Variants in MAX observed in about 807,000 individuals in gnomAD.
MAX encodes MYC associated transcriptional regulator X.
MAX carries 3 observed loss-of-function variants against 22.3 expected under a neutral mutation model. That is an observed-to-expected ratio of 0.13 (90% CI 0.06 to 0.35). The LOEUF is 0.35. MAX is among the 10% of genes least tolerant of loss of function. The pLI, the probability that MAX is intolerant of heterozygous loss-of-function variation, is 1.00. For synonymous variants in MAX, 72 were observed against 77.7 expected (o/e 0.93, Z 0.39); for missense variants, 119 against 209.4 (o/e 0.57, Z 2.66).
chr14:65,039,530 T>C (rs1419348126), intron 3 of MAX, among the ~76,000 whole-genome samples: 1 of 152,222 alleles, frequency 6.6e-6, no homozygotes, highest in East Asian at 1.9e-4. Flanking sequence ...GGAGGTTCCC[T>C]GTATCTCTAA....
intron 3 of MAX, among the ~76,000 whole-genome samples, chr14:65,064,642 C>T (rs1051930739): frequency 1.3e-5 from 2 of 152,220 alleles, no homozygotes; most frequent in Non-Finnish European, 2.9e-5. Context: ...AGAAGCAGTC[C>T]AATGGCTTGG....
At chr14:65,040,982 G>A in intron 3 of MAX, 1 of 1,588,862 alleles carries the variant, frequency 6.3e-7, no homozygotes. Flanking sequence ...ATTGTACTCA[G>A]ACATGCAGGC....
chr14:65,015,371 G>A (rs1288951360), intron 3 of MAX, among the ~76,000 whole-genome samples: 1 of 150,046 alleles, frequency 6.7e-6, no homozygotes, highest in Non-Finnish European at 1.5e-5. Flanking sequence ...CCAAAGTGCT[G>A]GGATTACAGG....
Position 65,088,121 on chromosome 14 carries a change from C to T in MAX, c.171+5587G>A, listed in dbSNP as rs1229682175. ...CACGTGGAACTGTAAGTCCACTAAA[C>T]CTCCTTCTTTTGTAAATTGCCCAGT... On this transcript the variant is annotated intron_variant, in intron 3 of 4. Transcript: ENST00000358664. The surrounding 1 kb of genome is among the most constrained non-coding windows in gnomAD (Gnocchi z 5.2). Among the ~76,000 whole-genome samples the T allele has an allele frequency of 6.6e-6, 1 of 152,098 alleles. No homozygotes were observed. Among genetic ancestry groups the T allele is most frequent in the Non-Finnish European group, 1.5e-5 (1 of 68,024 alleles).
At chr14:65,055,429 C>T (rs1238235398) in intron 3 of MAX, among the ~76,000 whole-genome samples, 1 of 152,198 alleles carries the variant, frequency 6.6e-6, no homozygotes, top group African/African-American at 2.4e-5. Context: ...GTAAACATGG[C>T]CTGCTGCTAC....
intron 3 of MAX, among the ~76,000 whole-genome samples, chr14:65,021,332 A>G (rs2061882311): frequency 6.6e-6 from 1 of 152,238 alleles, no homozygotes; most frequent in Non-Finnish European, 1.5e-5. Flanking sequence ...AGATTTTTCC[A>G]AAGATAAATT....
chr14:65,048,202 C>G (rs892861417), intron 3 of MAX, among the ~76,000 whole-genome samples: 40 of 151,636 alleles, frequency 2.6e-4, no homozygotes, highest in Non-Finnish European at 5.9e-5. Flanking sequence ...TGGCTGGTCT[C>G]AAACTCCTGG....
chr14:65,102,274 G>A (rs1195497830), intron 1 of MAX, 30 bp downstream of exon 1: 1 of 1,613,214 alleles, frequency 6.2e-7, no homozygotes, highest in Admixed American at 1.7e-5. Context: ...CTGACAACCC[G>A]CACGGGAAGG....
At chr14:65,070,604 C>A (rs2062977554), downstream of MAX, among the ~76,000 whole-genome samples, 2 of 152,210 alleles carry the variant, frequency 1.3e-5, no homozygotes, top group African/African-American at 4.8e-5. The surrounding 1 kb of genome is among the most constrained non-coding windows in gnomAD (Gnocchi z 4.4). Flanking sequence ...CTAGACACGC[C>A]CATCCTGCTG....
chr14:65,095,535 T>G (rs2063638723), intron 2 of MAX, among the ~76,000 whole-genome samples: 1 of 152,206 alleles, frequency 6.6e-6, no homozygotes, highest in African/African-American at 2.4e-5. Context: ...ATCTAGTCCT[T>G]TTGAACTTAC....
rs1555335876 is a variant in MAX at position 65,037,403 on chromosome 14, C to CTTTTTTTTTT, written c.172-31129_172-31120dup. On this transcript the variant is annotated intron_variant, in intron 3 of 3. Coordinates refer to the MAX transcript ENST00000341653. The stretch of plus-strand genomic sequence containing the variant: ...TAGGCGTGAGCCACCACGCCGGGCC[C>CTTTTTTTTTT]TTTTTTTTTTTTTTTTTTTTTTTTT... Among the ~76,000 whole-genome samples, 149 of 29,686 alleles carry CTTTTTTTTTT rather than the reference C, an allele frequency of 5.0e-3. 23 individuals are homozygous for CTTTTTTTTTT. The highest frequency in any genetic ancestry group is 8.0e-3 in the Non-Finnish European group (110 of 13,696). 19.5% of individuals were successfully genotyped at this position (29,686 alleles called of 152,430 possible).
intron 3 of MAX, among the ~76,000 whole-genome samples, chr14:65,058,307 T>C (rs922004969): frequency 2.0e-4 from 30 of 152,104 alleles, no homozygotes; most frequent in African/African-American, 7.0e-4. Context: ...TTCATGTCTC[T>C]TGTGACTGGA....
rs979714571 is a variant in MAX, at chr14:65,012,688, T to C, written c.172-6404A>G. Among the ~76,000 whole-genome samples the C allele has an allele frequency of 6.6e-6, 1 of 152,240 alleles. No homozygotes were observed. The highest frequency in any genetic ancestry group is 2.4e-5 in the African/African-American group (1 of 41,462). ...TAGACCTCCTTGACAGCTGGCTAAA[T>C]GCCAGTTACCTGTTCACCCTTAACC... On this transcript the variant is annotated intron_variant, in intron 3 of 3. Transcript: ENST00000341653. The surrounding 1 kb of genome is among the most constrained non-coding windows in gnomAD (Gnocchi z 5.0).
chr14:65,064,919 G>A (rs969921507), intron 3 of MAX, among the ~76,000 whole-genome samples: 3 of 152,258 alleles, frequency 2.0e-5, no homozygotes, highest in Non-Finnish European at 4.4e-5. Flanking sequence ...CAAAAGGTTT[G>A]CCAGGGCTTG....
intron 3 of MAX, among the ~76,000 whole-genome samples, chr14:65,018,978 C>T (rs921068263): frequency 6.6e-6 from 1 of 151,726 alleles, no homozygotes; most frequent in Non-Finnish European, 1.5e-5. Flanking sequence ...AGCGTGGTGG[C>T]GCATGCCTGT....
In MAX at chr14:65,018,537, C is replaced by T. The variant is rs566478462; in HGVS notation, c.172-12253G>A. On this transcript the variant is annotated intron_variant, in intron 3 of 3. Transcript: ENST00000341653. ...TTTTATAAACTTTCTGGGCTGGGCACGGTGTCTCACACCTGTAATCCCAGG... is the reference window on the plus strand; with the variant it reads ...TTTTATAAACTTTCTGGGCTGGGCATGGTGTCTCACACCTGTAATCCCAGG... Among the ~76,000 whole-genome samples, 11 of 152,238 alleles carry T rather than the reference C, an allele frequency of 7.2e-5. No homozygotes were observed. The South Asian group carries it at 2.3e-3, about 32-fold the overall frequency.
chr14:65,077,896 C>A lies in MAX; in HGVS notation c.295+17G>T, dbSNP rs201127403. On this transcript the variant is annotated intron_variant, in intron 4 of 4. Coordinates refer to ENST00000358664, the MANE Select transcript of MAX (RefSeq NM_002382.5). The surrounding 1 kb of genome is among the most constrained non-coding windows in gnomAD (Gnocchi z 6.3). ...GAGCACAGCAGGGCCAGCTGCCCCA[C>A]GAGCTCGGGTGCTCACCTTGCTGCT... The A allele has an allele frequency of 6.2e-7, 1 of 1,614,102 alleles. No individual in the cohort carries two copies. The highest frequency in any genetic ancestry group is 1.1e-5 in the South Asian group (1 of 91,094).
intron 3 of MAX, among the ~76,000 whole-genome samples, chr14:65,037,402 CCTTTTTTT>C (rs1428139198): frequency 0.026 from 376 of 14,480 alleles, 86 homozygotes; most frequent in Non-Finnish European, 0.036. Context: ...CACGCCGGGC[CCTTTTTTT>C]TTTTTTTTTT....
At chr14:65,080,954 C>T (rs974470746) in intron 3 of MAX, among the ~76,000 whole-genome samples, 6 of 152,196 alleles carry the variant, frequency 3.9e-5, no homozygotes, top group Non-Finnish European at 7.3e-5. Flanking sequence ...GCAGTAAGCA[C>T]AGCAAAACAA....
Sources: gnomAD v4.1 joint callset for allele counts (sites outside exome capture counted in the v4.1 genomes callset) on GRCh38, gnomAD v4.1.1 for gene constraint, Gnocchi (gnomAD v3.1) non-coding constraint, MANE v1.5 for transcripts, NCBI Gene and HGNC (gene_info 2026-07-23, HGNC 2026-07-21) for gene names.